Variants in CAMKMT observed in about 807,000 individuals in gnomAD.
CAMKMT encodes CaM KMT.
In CAMKMT, 53 loss-of-function variants were observed where a neutral mutation model predicts 48.0. That is an observed-to-expected ratio of 1.10 (90% CI 0.89 to 1.39). CAMKMT has a LOEUF of 1.39. Ranked by LOEUF, CAMKMT falls within the 40% of genes most tolerant of loss-of-function variation. The pLI, the probability that CAMKMT is intolerant of heterozygous loss-of-function variation, is 0.00. For missense variants in CAMKMT, 428 were observed against 402.7 expected (o/e 1.06, Z -0.54); for synonymous variants, 165 against 152.3 (o/e 1.08, Z -0.61).
intron 1 of CAMKMT, 39 bp downstream of exon 1, chr2:44,362,184 C>G: frequency 7.0e-7 from 1 of 1,419,954 alleles, no homozygotes; most frequent in Non-Finnish European, 9.2e-7. Context: ...TGCCTCTGGT[C>G]ACTCCTCTCT....
chr2:44,722,798 T>C (rs949265852), intron 7 of CAMKMT, among the ~76,000 whole-genome samples: 1 of 152,198 alleles, frequency 6.6e-6, no homozygotes, highest in African/African-American at 2.4e-5. Flanking sequence ...GTTTTGCTAC[T>C]ATGTAAGTTA....
intron 3 of CAMKMT, among the ~76,000 whole-genome samples, chr2:44,655,695 C>T (rs934129889): frequency 6.6e-5 from 10 of 152,078 alleles, no homozygotes; most frequent in Admixed American, 3.9e-4. Flanking sequence ...GTTTTGCACG[C>T]GATAGGATGT....
intron 2 of CAMKMT, among the ~76,000 whole-genome samples, chr2:44,380,420 T>TAAAAACTTTAAGAAGTTTTAAG (rs1680123331): frequency 1.3e-5 from 2 of 152,176 alleles, no homozygotes; most frequent in African/African-American, 4.8e-5. Context: ...TTTAAGAATT[T>TAAAAACTTTAAGAAGTTTTAAG]AAGTTTGAGC....
chr2:44,768,361 A>ATATATATATATATATATTTTTTTT (rs35058824), intron 10 of CAMKMT, among the ~76,000 whole-genome samples: 2 of 115,746 alleles, frequency 1.7e-5, no homozygotes, highest in African/African-American at 7.4e-5. Flanking sequence ...ATATATATAT[A>ATATATATATATATATATTTTTTTT]TTTTTTTTTT....
intron 3 of CAMKMT, among the ~76,000 whole-genome samples, chr2:44,437,138 C>A (rs756768717): frequency 1.2e-4 from 18 of 152,088 alleles, no homozygotes; most frequent in Non-Finnish European, 2.4e-4. Context: ...TACCCACCCC[C>A]CAACAGTATA....
At chr2:44,435,627 CTA>C (rs1304227468) in intron 3 of CAMKMT, among the ~76,000 whole-genome samples, 2 of 152,168 alleles carry the variant, frequency 1.3e-5, no homozygotes, top group African/African-American at 4.8e-5. Flanking sequence ...GACTTAATCA[CTA>C]TGTTTCTGAC....
intron 3 of CAMKMT, among the ~76,000 whole-genome samples, chr2:44,531,811 C>G (rs1023428841): frequency 6.6e-6 from 1 of 151,978 alleles, no homozygotes. Context: ...TTTAAGAAAA[C>G]TAAGGCAAAT....
At chr2:44,572,604 C>A (rs932527332) in intron 3 of CAMKMT, among the ~76,000 whole-genome samples, 1 of 152,156 alleles carries the variant, frequency 6.6e-6, no homozygotes, top group Non-Finnish European at 1.5e-5. Context: ...CAGGTGTACA[C>A]ATGTCTGTTG....
chr2:44,405,832 A>G (rs1018713936), intron 3 of CAMKMT, among the ~76,000 whole-genome samples: 1 of 152,322 alleles, frequency 6.6e-6, no homozygotes, highest in Middle Eastern at 3.4e-3. Context: ...TGAAATGTAT[A>G]TTCAACTCTG....
At chr2:44,405,362 A>G (rs558211387) in intron 3 of CAMKMT, among the ~76,000 whole-genome samples, 3 of 152,246 alleles carry the variant, frequency 2.0e-5, no homozygotes, top group Middle Eastern at 3.4e-3. Context: ...TTATATAGCA[A>G]TCAAAAAGAA....
chr2:44,697,432 A>G (rs770166910), intron 3 of CAMKMT, among the ~76,000 whole-genome samples: 6 of 152,232 alleles, frequency 3.9e-5, no homozygotes, highest in Non-Finnish European at 8.8e-5. Flanking sequence ...AGAAGATACC[A>G]GGAGAGATTT....
At chr2:44,504,671 T>A (rs1223308003) in intron 3 of CAMKMT, among the ~76,000 whole-genome samples, 1 of 152,192 alleles carries the variant, frequency 6.6e-6, no homozygotes, top group Non-Finnish European at 1.5e-5. Flanking sequence ...AATAGATGTA[T>A]GGTGATATCT....
At chr2:44,708,211 A>ATTTTTTTTTTTTTTTTTTTTTTTTT (rs59281575) in intron 6 of CAMKMT, among the ~76,000 whole-genome samples, 1 of 68,180 alleles carries the variant, frequency 1.5e-5, no homozygotes. Context: ...TTTGCTTTGG[A>ATTTTTTTTTTTTTTTTTTTTTTTTT]TTTTTTTTTT....
intron 3 of CAMKMT, among the ~76,000 whole-genome samples, chr2:44,625,714 A>G (rs911098768): frequency 6.6e-6 from 1 of 151,842 alleles, no homozygotes; most frequent in Non-Finnish European, 1.5e-5. Context: ...GTCGAGGTTC[A>G]TTTTTTTTCC....
intron 3 of CAMKMT, among the ~76,000 whole-genome samples, chr2:44,568,424 G>T (rs1057130359): frequency 6.6e-6 from 1 of 152,168 alleles, no homozygotes; most frequent in Non-Finnish European, 1.5e-5. Context: ...GTTGCTCTGA[G>T]CTTAGGGCAG....
chr2:44,648,869 C>T (rs894790199), intron 3 of CAMKMT, among the ~76,000 whole-genome samples: 12 of 152,168 alleles, frequency 7.9e-5, no homozygotes, highest in Non-Finnish European at 1.3e-4. Context: ...AAAACATGAG[C>T]CAGCTAGGTG....
intron 1 of CAMKMT, among the ~76,000 whole-genome samples, chr2:44,366,994 G>T (rs892474837): frequency 1.3e-5 from 2 of 152,056 alleles, no homozygotes; most frequent in African/African-American, 4.8e-5. Flanking sequence ...CAAAGTGCTG[G>T]GATTACACGT....
chr2:44,660,349 T>A (rs1344185776), intron 3 of CAMKMT, among the ~76,000 whole-genome samples: 3 of 152,166 alleles, frequency 2.0e-5, no homozygotes, highest in Non-Finnish European at 2.9e-5. Context: ...ACCTTATAGA[T>A]CTCCTGGAAG....
chr2:44,736,951 C>A (rs1192452387), intron 7 of CAMKMT, among the ~76,000 whole-genome samples: 4 of 152,136 alleles, frequency 2.6e-5, no homozygotes, highest in African/African-American at 9.7e-5. Context: ...ATTCTGACAT[C>A]TCTGTCAGTT....
Sources: gnomAD v4.1 joint callset for allele counts (sites outside exome capture counted in the v4.1 genomes callset) on GRCh38, gnomAD v4.1.1 for gene constraint, MANE v1.5 for transcripts, NCBI Gene and HGNC (gene_info 2026-07-23, HGNC 2026-07-21) for gene names.